Variants in NHSL1 observed in about 807,000 individuals in gnomAD.
NHSL1 encodes NHS like 1, also known as NHS-like protein 1.
Under a neutral mutation model 95.0 loss-of-function variants are expected in NHSL1, and 48 were observed. The ratio of observed to expected loss-of-function variants is 0.51; its 90% CI spans 0.40 to 0.64. The LOEUF (loss-of-function observed/expected upper bound fraction) is 0.64, where lower values mean the gene tolerates loss of function less well. Among genes scored for constraint, NHSL1 ranks in the 30% least tolerant of loss-of-function variants. NHSL1 has a pLI of 0.00. For missense variants in NHSL1, 1,971 were observed against 2,077.7 expected, an observed-to-expected ratio of 0.95 and a Z score of 1.00; for synonymous variants, 783 against 833.9, an observed-to-expected ratio of 0.94 and a Z score of 1.05.
intron 1 of NHSL1, among the ~76,000 whole-genome samples, chr6:138,514,101 G>A (rs1038478496): frequency 1.3e-5 from 2 of 152,088 alleles, no homozygotes; most frequent in South Asian, 4.1e-4. Context: ...CGGATCACCT[G>A]AGGTCAGGAG....
intron 3 of NHSL1, among the ~76,000 whole-genome samples, chr6:138,455,326 T>G (rs1438270936): frequency 6.6e-6 from 1 of 151,934 alleles, no homozygotes; most frequent in African/African-American, 2.4e-5. Flanking sequence ...GAAAAAAAAA[T>G]TGAGTGAAGC....
chr6:138,570,692 A>C (rs1025247947), intron 1 of NHSL1, among the ~76,000 whole-genome samples: 3 of 152,254 alleles, frequency 2.0e-5, no homozygotes, highest in African/African-American at 7.2e-5. Flanking sequence ...TCATAAGCAC[A>C]TATTTAACTT....
At chr6:138,456,901 A>G (rs1295549467) in intron 3 of NHSL1, among the ~76,000 whole-genome samples, 1 of 148,754 alleles carries the variant, frequency 6.7e-6, no homozygotes, top group Non-Finnish European at 1.5e-5. Flanking sequence ...TTTTTTGGAG[A>G]TGGAGTCTCA....
At chr6:138,551,675 A>T (rs922526228) in intron 1 of NHSL1, among the ~76,000 whole-genome samples, 2 of 152,220 alleles carry the variant, frequency 1.3e-5, no homozygotes, top group Non-Finnish European at 2.9e-5. Context: ...AAAGAAGAAA[A>T]AAATTATAGC....
chr6:138,432,899 G>T lies in NHSL1; in HGVS notation c.1446C>A (p.Asp482Glu). 1.3e-6 allele frequency: 2 copies of T among 1,551,644 alleles called. No homozygotes were observed. Among genetic ancestry groups the T allele is most frequent in the South Asian group, 2.4e-5 (2 of 84,060 alleles). The change falls in exon 6 of 8, where the codon GAC becomes GAA. Residue 482 changes from aspartate to glutamate, a missense_variant. Around this residue, in one of 3 missense-constraint regions of NHSL1, gnomAD observed 1,602 missense variants for 1,654.5 expected, o/e 0.97. Coordinates refer to ENST00000343505, the MANE Select transcript of NHSL1 (RefSeq NM_001144060.2). This position sits in a 1 kb window ranked among gnomAD's most constrained non-coding sequence, Gnocchi z 4.4. ...GTTCACCAGGGGAATGAGGGTCTAA[G>T]TCCTGTGAAAGAATGGTGGCATGGC... ...NEGHATILSQ[D>E]LDPHSPGEPA...
In NHSL1 at chr6:138,687,021, G is replaced by A. The variant is rs142430843; in HGVS notation, c.96+5455C>T. ...AGGGACTGGGATTAGAGGGGGGTGC[G>A]GGCCACACAGCCACCAACATCCTCT... is the stretch of plus-strand genomic sequence containing the variant. On this transcript the variant is annotated intron_variant, in intron 1 of 3. Transcript: ENST00000491526. 2.3e-3 allele frequency among the ~76,000 whole-genome samples: 351 copies of A among 152,196 alleles called. 2 individuals are homozygous for A. Among genetic ancestry groups the A allele is most frequent in the Middle Eastern group, 0.01 (3 of 294 alleles).
chr6:138,644,223 C>A (rs9484191), intron 1 of NHSL1, among the ~76,000 whole-genome samples: 5,380 of 152,026 alleles, frequency 0.035, 265 homozygotes, highest in African/African-American at 0.11. Context: ...CAATTTCTGG[C>A]CAGGTGCGGT....
intron 2 of NHSL1, among the ~76,000 whole-genome samples, chr6:138,476,399 A>G (rs1779069053): frequency 6.6e-6 from 1 of 152,238 alleles, no homozygotes; most frequent in Non-Finnish European, 1.5e-5. Context: ...TCAGAAACAG[A>G]AAATCAAATA....
At chr6:138,503,365 A>T (rs1780788391), upstream of NHSL1, among the ~76,000 whole-genome samples, 1 of 152,134 alleles carries the variant, frequency 6.6e-6, no homozygotes, top group Admixed American at 6.5e-5. Context: ...TGAAACTTGA[A>T]TGGTTTTGTT....
At chr6:138,509,115 A>C (rs936357479) in intron 1 of NHSL1, among the ~76,000 whole-genome samples, 1 of 152,246 alleles carries the variant, frequency 6.6e-6, no homozygotes, top group Non-Finnish European at 1.5e-5. Context: ...GAATGCCTAT[A>C]AAGGATCTAG....
In NHSL1 at chr6:138,442,006, G is replaced by A. The variant is rs1776555626; in HGVS notation, c.641C>T (p.Pro214Leu). Residue 214 changes from proline to leucine, a missense_variant, in exon 5 of 8, where the codon CCT becomes CTT. By Grantham distance (98) the Pro-to-Leu change is moderately conservative. This residue lies in a region of NHSL1 where 1,602 missense variants were observed against 1,654.5 expected (regional missense o/e 0.97). Coordinates refer to ENST00000343505, the MANE Select transcript of NHSL1 (RefSeq NM_001144060.2). The stretch of plus-strand genomic sequence containing the variant: ...ACCTAGCTCCTTCTGTATGTTGTCA[G>A]GGACTCCTGTAATAGTCTTTCTCCT... Reference protein sequence around the residue: ...VKRRKTITGVPDNIQKELASG... With the variant: ...VKRRKTITGVLDNIQKELASG... The A allele has an allele frequency of 3.2e-6, 5 of 1,551,156 alleles. No homozygotes were observed. The highest frequency in any genetic ancestry group is 4.4e-6 in the Non-Finnish European group (5 of 1,146,758).
At chr6:138,560,270 G>A (rs1783362102) in intron 1 of NHSL1, among the ~76,000 whole-genome samples, 1 of 152,232 alleles carries the variant, frequency 6.6e-6, no homozygotes, top group African/African-American at 2.4e-5. Flanking sequence ...TCTCCAGAGT[G>A]GCGATGTAAC....
chr6:138,684,542 G>T (rs1785558075), intron 1 of NHSL1, among the ~76,000 whole-genome samples: 1 of 152,128 alleles, frequency 6.6e-6, no homozygotes, highest in Admixed American at 6.5e-5. Context: ...CTACTCAGAA[G>T]GCTGAGGCAG....
intron 2 of NHSL1, among the ~76,000 whole-genome samples, chr6:138,491,166 T>C (rs1430353730): frequency 6.6e-6 from 1 of 152,186 alleles, no homozygotes; most frequent in Non-Finnish European, 1.5e-5. Context: ...TAAAATGCAT[T>C]TCTTCAGGAA....
At chr6:138,630,406 T>C (rs1359072674) in intron 1 of NHSL1, among the ~76,000 whole-genome samples, 1 of 152,196 alleles carries the variant, frequency 6.6e-6, no homozygotes, top group African/African-American at 2.4e-5. Flanking sequence ...TTGTTTGTTT[T>C]ACTGAGATGG....
chr6:138,608,689 T>C (rs1341077981), intron 1 of NHSL1, among the ~76,000 whole-genome samples: 7 of 152,216 alleles, frequency 4.6e-5, no homozygotes, highest in Admixed American at 4.6e-4. Flanking sequence ...CTGCAGTTAC[T>C]TGTAATGAAA....
rs1002695420 is a variant in NHSL1 at position 138,430,182 on chromosome 6, T to C, written c.3952+211A>G. Among the ~76,000 whole-genome samples, 2 of 152,224 alleles carry C rather than the reference T, an allele frequency of 1.3e-5. No individual in the cohort carries two copies. The highest frequency in any genetic ancestry group is 4.8e-5 in the African/African-American group (2 of 41,462). ...ATCTCCATCCCCCTATTTTCTGCCA[T>C]GCCTTTAGGTCTAGATTTTAAAAAT... On this transcript the variant is annotated intron_variant, in intron 6 of 7. Transcript: ENST00000343505. This position sits in a 1 kb window ranked among gnomAD's most constrained non-coding sequence, Gnocchi z 4.7.
At chr6:138,592,609 C>CA (rs1784246282) in intron 1 of NHSL1, among the ~76,000 whole-genome samples, 2 of 134,110 alleles carry the variant, frequency 1.5e-5, no homozygotes, top group Non-Finnish European at 3.1e-5. Context: ...CACAAAAAAA[C>CA]AAAAAACAAC....
intron 2 of NHSL1, among the ~76,000 whole-genome samples, chr6:138,477,415 C>T (rs1003150511): frequency 6.6e-6 from 1 of 152,096 alleles, no homozygotes; most frequent in East Asian, 1.9e-4. Context: ...GCCTGAACAA[C>T]ATAATGAGAC....
Sources: gnomAD v4.1 joint callset for allele counts (sites outside exome capture counted in the v4.1 genomes callset) on GRCh38, gnomAD v4.1.1 for gene constraint, gnomAD v4.1.1 regional missense constraint, Gnocchi (gnomAD v3.1) non-coding constraint, MANE v1.5 for transcripts, NCBI Gene and HGNC (gene_info 2026-07-23, HGNC 2026-07-21) for gene names.